RAPH1: variants seen among roughly 807,000 people sequenced by gnomAD.
The protein encoded by RAPH1 is ras-associated and pleckstrin homology domains-containing protein 1.
In RAPH1, 18 loss-of-function variants were observed where a neutral mutation model predicts 88.1. That is an observed-to-expected ratio of 0.20 (90% CI 0.14 to 0.30). The LOEUF (loss-of-function observed/expected upper bound fraction) is 0.30. RAPH1 is among the 10% of genes least tolerant of loss of function. The probability of loss-of-function intolerance (pLI) is 1.00; values close to 1 mark genes in which losing one functional copy is unlikely to be tolerated. For synonymous variants in RAPH1, 587 were observed against 559.0 expected, an observed-to-expected ratio of 1.05 and a Z score of -0.71; for missense variants, 1,448 against 1,543.2, an observed-to-expected ratio of 0.94 and a Z score of 1.03.
chr2:203,445,996 T>C (rs959262416), intron 12 of RAPH1: 11 of 152,184 alleles, frequency 7.2e-5, no homozygotes, highest in Admixed American at 2.0e-4. Context: ...TATTCCCTTT[T>C]CCCCATTATT....
intron 1 of RAPH1, among the ~76,000 whole-genome samples, chr2:203,524,718 G>A (rs2105981449): frequency 6.6e-6 from 1 of 152,294 alleles, no homozygotes; most frequent in South Asian, 2.1e-4. Context: ...GACAGGGGTA[G>A]AGGGGGACAA....
intron 1 of RAPH1, among the ~76,000 whole-genome samples, chr2:203,496,261 G>A (rs1201165507): frequency 6.6e-6 from 1 of 152,174 alleles, no homozygotes; most frequent in Non-Finnish European, 1.5e-5. Context: ...GGGAGGCTGA[G>A]CCAGGAGAAT....
rs2098512395 is a variant in RAPH1, at chr2:203,448,966, T to C, written c.1414-130A>G. The C allele has an allele frequency of 2.2e-6, 1 of 454,084 alleles. No individual in the cohort carries two copies. The highest frequency in any genetic ancestry group is 4.2e-5 in the Admixed American group (1 of 23,912). 28.1% of individuals were successfully genotyped at this position (454,084 alleles called of 1,614,324 possible). Reference sequence around the variant, plus strand: ...TAATGGCCAATACATTTATGCTTCTTATATGGCCATAAGGCCAAATAAAGT... The same window carrying C: ...TAATGGCCAATACATTTATGCTTCTCATATGGCCATAAGGCCAAATAAAGT... On this transcript the variant is annotated intron_variant, in intron 10 of 13. Transcript: ENST00000319170. This position sits in a 1 kb window ranked among gnomAD's most constrained non-coding sequence, Gnocchi z 4.1.
At chr2:203,532,415 TACC>T (rs1193705683) in intron 1 of RAPH1, among the ~76,000 whole-genome samples, 3 of 152,236 alleles carry the variant, frequency 2.0e-5, no homozygotes, top group African/African-American at 7.2e-5. Flanking sequence ...ATGCATACTT[TACC>T]ACATTTCTTT....
chr2:203,534,508 A>ACCCCCCCCCCCCCCCCCCCC (rs71007530), intron 1 of RAPH1, among the ~76,000 whole-genome samples: 1 of 19,108 alleles, frequency 5.2e-5, no homozygotes. Flanking sequence ...CCCTCCGTCC[A>ACCCCCCCCCCCCCCCCCCCC]CCCCCCCCCC....
chr2:203,516,913 A>G (rs982226843), intron 1 of RAPH1, among the ~76,000 whole-genome samples: 2 of 151,900 alleles, frequency 1.3e-5, no homozygotes, highest in Non-Finnish European at 2.9e-5. Flanking sequence ...GGGCGCCTGT[A>G]GTTCCAGCTA....
At chr2:203,445,392 A>G (rs2098508554) in intron 12 of RAPH1, 1 of 170,418 alleles carries the variant, frequency 5.9e-6, no homozygotes, top group African/African-American at 2.4e-5. Flanking sequence ...AGCCTTTTTA[A>G]TACCCCTGCC....
At chr2:203,528,707 GTA>G (rs1242015498) in intron 1 of RAPH1, among the ~76,000 whole-genome samples, 2 of 151,788 alleles carry the variant, frequency 1.3e-5, no homozygotes, top group African/African-American at 4.8e-5. Flanking sequence ...GCCTTAAACT[GTA>G]TATGTTTATT....
At chr2:203,467,423 T>C (rs2098529438) in intron 4 of RAPH1, among the ~76,000 whole-genome samples, 1 of 148,050 alleles carries the variant, frequency 6.8e-6, no homozygotes, top group African/African-American at 2.6e-5. Context: ...AAACCCCGTC[T>C]CTACTAAAAA....
At chr2:203,495,151 A>G in intron 2 of RAPH1, 83 bp downstream of exon 2, 3 of 1,464,300 alleles carry the variant, frequency 2.0e-6, no homozygotes, top group Non-Finnish European at 2.8e-6. Context: ...AATTTAACTT[A>G]TATCCATATC....
At chr2:203,509,720 C>T (rs546063921) in intron 1 of RAPH1, among the ~76,000 whole-genome samples, 1 of 152,276 alleles carries the variant, frequency 6.6e-6, no homozygotes, top group South Asian at 2.1e-4. Context: ...AATGTAATCC[C>T]TAATGTTGGA....
At position 203,497,577 on chromosome 2, in the gene RAPH1, G is replaced by T. The variant is rs1581363790; in HGVS notation, c.1-2224C>A. ...ATCATATCTCATTTAATTACTTAAG[G>T]GAAATAATTTTCTAATTCTCCTAAT... On this transcript the variant is annotated intron_variant, in intron 1 of 13. Coordinates refer to ENST00000319170, the MANE Select transcript of RAPH1 (RefSeq NM_213589.3). Among the ~76,000 whole-genome samples, 3 of 151,844 alleles carry T rather than the reference G, an allele frequency of 2.0e-5. No homozygotes were observed. In the East Asian group the frequency reaches 5.8e-4, roughly 29 times the overall value.
chr2:203,495,474 T>C, intron 1 of RAPH1, 121 bp from the exon 2 acceptor site: 1 of 967,194 alleles, frequency 1.0e-6, no homozygotes, highest in Non-Finnish European at 1.5e-6. Context: ...AAACTAGAAA[T>C]TACATTCTAA....
chr2:203,502,960 T>C (rs1459044293), intron 1 of RAPH1, among the ~76,000 whole-genome samples: 1 of 151,432 alleles, frequency 6.6e-6, no homozygotes, highest in Non-Finnish European at 1.5e-5. Flanking sequence ...CCTAACAAGG[T>C]GAAACCCTAT....
At chr2:203,494,861 AG>A (rs1260361771) in intron 2 of RAPH1, among the ~76,000 whole-genome samples, 8 of 151,924 alleles carry the variant, frequency 5.3e-5, no homozygotes, top group African/African-American at 1.9e-4. Flanking sequence ...TTTACGTGGA[AG>A]GAAATTATTT....
chr2:203,453,545 CAAAAAAAAAAAAA>C (rs59304139), intron 10 of RAPH1, among the ~76,000 whole-genome samples: 21 of 28,270 alleles, frequency 7.4e-4, no homozygotes, highest in South Asian at 2.9e-3. Flanking sequence ...GACCCTGCCT[CAAAAAAAAAAAAA>C]AAAAAAAAAA....
At chr2:203,494,835 A>C (rs1364497203) in intron 2 of RAPH1, among the ~76,000 whole-genome samples, 1 of 151,720 alleles carries the variant, frequency 6.6e-6, no homozygotes, top group East Asian at 1.9e-4. Flanking sequence ...AAAAAAAAAA[A>C]GAAAAACAGA....
Position 203,506,820 on chromosome 2 carries a change from C to A in RAPH1, c.1-11467G>T, listed in dbSNP as rs28496766. Among the ~76,000 whole-genome samples, 25 of 70,608 alleles carry A rather than the reference C, an allele frequency of 3.5e-4. 1 individual carries two copies. Among genetic ancestry groups the A allele is most frequent in the African/African-American group, 6.4e-4 (8 of 12,560 alleles). 46.3% of individuals were successfully genotyped at this position (70,608 alleles called of 152,430 possible). A position where few individuals can be genotyped will look rare whatever the true frequency, so the allele number is the denominator to read the frequency against. On this transcript the variant is annotated intron_variant, in intron 1 of 13. Transcript: ENST00000319170. ...TATATATATATCTATATCTATATAT[C>A]TATATATATATCTATATCTATATAT...
chr2:203,513,894 G>A lies in RAPH1; in HGVS notation c.1-18541C>T, dbSNP rs140363613. Among the ~76,000 whole-genome samples, 721 of 151,098 alleles carry A rather than the reference G, an allele frequency of 4.8e-3. 9 individuals are homozygous for A. Among genetic ancestry groups the A allele is most frequent in the African/African-American group, 0.017 (685 of 41,210 alleles). On this transcript the variant is annotated intron_variant, in intron 1 of 13. Transcript: ENST00000319170. ...GAGACTCTCTCTGTCGCCCAGGCTG[G>A]AGTGCAGTGGTGTGATCTCAGCTCA... is the stretch of plus-strand genomic sequence containing the variant.
Sources: allele counts gnomAD v4.1 joint callset (sites outside exome capture counted in the v4.1 genomes callset), GRCh38; gene constraint gnomAD v4.1.1; non-coding constraint Gnocchi (gnomAD v3.1); transcripts MANE v1.5; gene names NCBI Gene and HGNC (gene_info 2026-07-23, HGNC 2026-07-21).